PCBD2: variants seen among roughly 807,000 people sequenced by gnomAD.
PCBD2 encodes the protein pterin-4 alpha-carbinolamine dehydratase 2, also known as pterin-4-alpha-carbinolamine dehydratase 2.
Under a neutral mutation model 16.4 loss-of-function variants are expected in PCBD2, and 12 were observed. That is an observed-to-expected ratio of 0.73 (90% confidence interval 0.47 to 1.19). The LOEUF is 1.19. Among genes scored for constraint, PCBD2 ranks in the 50% most tolerant of loss-of-function variants. The pLI, the probability that PCBD2 is intolerant of heterozygous loss-of-function variation, is 0.00. For synonymous variants in PCBD2, 58 were observed against 61.8 expected (o/e 0.94, Z 0.29); for missense variants, 138 against 156.8 (o/e 0.88, Z 0.64).
At chr5:134,906,094 G>C (rs1750685614) in intron 1 of PCBD2, among the ~76,000 whole-genome samples, 1 of 151,170 alleles carries the variant, frequency 6.6e-6, no homozygotes, top group East Asian at 2.0e-4. Flanking sequence ...GGCTAGTCTC[G>C]AACTCCTGAC....
At chr5:134,953,040 T>G (rs192847074) in intron 2 of PCBD2, among the ~76,000 whole-genome samples, 65 of 152,156 alleles carry the variant, frequency 4.3e-4, no homozygotes, top group Admixed American at 3.1e-3. Flanking sequence ...CAAGTTTTTT[T>G]TTTTGCATTT....
rs1041753837 is a variant in PCBD2, at chr5:134,935,004, A to G, written c.217-24036A>G. On this transcript the variant is annotated intron_variant, in intron 2 of 3. Coordinates refer to ENST00000254908, the MANE Select transcript of PCBD2 (RefSeq NM_032151.5). ...AAATCACTCCATTGTTAAGTTTTAT[A>G]GCACTCCTAGTGCCCATTAAGTTGA... 7.9e-5 allele frequency among the ~76,000 whole-genome samples: 12 copies of G among 152,364 alleles called. No homozygotes were observed. In the South Asian group the frequency reaches 2.5e-3, roughly 32 times the overall value.
At chr5:134,946,599 A>G (rs1751298083) in intron 2 of PCBD2, among the ~76,000 whole-genome samples, 1 of 152,246 alleles carries the variant, frequency 6.6e-6, no homozygotes, top group Admixed American at 6.5e-5. Flanking sequence ...ACATGATTTC[A>G]TTGATGGTGT....
chr5:134,914,757 C>T (rs1390925940), intron 2 of PCBD2, among the ~76,000 whole-genome samples: 2 of 151,934 alleles, frequency 1.3e-5, no homozygotes, highest in Admixed American at 6.6e-5. Context: ...CTGCAACCTC[C>T]ACCTCCCAGA....
At chr5:134,948,390 T>C (rs1198847777) in intron 2 of PCBD2, among the ~76,000 whole-genome samples, 3 of 152,214 alleles carry the variant, frequency 2.0e-5, no homozygotes, top group Non-Finnish European at 4.4e-5. Flanking sequence ...TAGAGAACTT[T>C]CACTAAAAAT....
intron 3 of PCBD2, among the ~76,000 whole-genome samples, chr5:134,959,459 A>G (rs1451085229): frequency 6.6e-6 from 1 of 152,206 alleles, no homozygotes; most frequent in Non-Finnish European, 1.5e-5. Context: ...AATCAGATAG[A>G]TATGGCCTCA....
intron 2 of PCBD2, among the ~76,000 whole-genome samples, chr5:134,913,319 T>C (rs1316079822): frequency 6.6e-6 from 1 of 151,834 alleles, no homozygotes; most frequent in Non-Finnish European, 1.5e-5. Context: ...GGAGGTAGAG[T>C]GGTCTGGAAA....
At chr5:134,925,271 C>A (rs1183133110) in intron 2 of PCBD2, 2 of 398,284 alleles carry the variant, frequency 5.0e-6, no homozygotes, top group African/African-American at 2.1e-5. Flanking sequence ...TTTGCGGTTT[C>A]GATGATGTGG....
chr5:134,951,302 C>A (rs188640799), intron 2 of PCBD2, among the ~76,000 whole-genome samples: 1 of 151,726 alleles, frequency 6.6e-6, no homozygotes, highest in Non-Finnish European at 1.5e-5. Flanking sequence ...TATTTTTTTT[C>A]ATTTAGTAAT....
At position 134,961,915 on chromosome 5, in the gene PCBD2, C is replaced by A. The variant is rs928969364; in HGVS notation, c.*1234C>A. ...TAGCTGGGACTATAGGCAAGTGCCACCACGCCTGACTAATTTTTAAATTTT... is the reference window on the plus strand; with the variant it reads ...TAGCTGGGACTATAGGCAAGTGCCAACACGCCTGACTAATTTTTAAATTTT... On this transcript the variant is annotated 3_prime_UTR_variant, in exon 4 of 4. Transcript: ENST00000254908. Among the ~76,000 whole-genome samples, 1 of 151,984 alleles carries A rather than the reference C, an allele frequency of 6.6e-6. No homozygotes were observed. Among genetic ancestry groups the A allele is most frequent in the Non-Finnish European group, 1.5e-5 (1 of 67,986 alleles).
At chr5:134,941,543 A>G (rs931370620) in intron 2 of PCBD2, among the ~76,000 whole-genome samples, 6 of 152,230 alleles carry the variant, frequency 3.9e-5, no homozygotes, top group East Asian at 1.9e-4. Flanking sequence ...TATATTTGGT[A>G]TACATGTCTC....
chr5:134,915,176 G>C (rs188535862), intron 2 of PCBD2, among the ~76,000 whole-genome samples: 1 of 151,906 alleles, frequency 6.6e-6, no homozygotes, highest in African/African-American at 2.4e-5. Flanking sequence ...TTAACCAGGC[G>C]TGGTGGCGTG....
At chr5:134,925,926 G>A (rs184780648) in intron 2 of PCBD2, 4 of 391,416 alleles carry the variant, frequency 1.0e-5, no homozygotes, top group Admixed American at 4.5e-5. Flanking sequence ...AACCGATGTC[G>A]CCGATACGGT....
intron 2 of PCBD2, among the ~76,000 whole-genome samples, chr5:134,947,718 G>A (rs541204571): frequency 1.2e-4 from 18 of 151,924 alleles, no homozygotes; most frequent in Non-Finnish European, 2.6e-4. Context: ...ATATATTTGG[G>A]CAGGTACTTT....
At chr5:134,914,859 G>T (rs938984053) in intron 2 of PCBD2, among the ~76,000 whole-genome samples, 1 of 152,096 alleles carries the variant, frequency 6.6e-6, no homozygotes. Context: ...TTATAGTAGA[G>T]ATGGGGTTTT....
intron 2 of PCBD2, among the ~76,000 whole-genome samples, chr5:134,952,892 G>T (rs1487013332): frequency 6.6e-6 from 1 of 151,524 alleles, no homozygotes; most frequent in Non-Finnish European, 1.5e-5. Context: ...CTTATTCAAT[G>T]CCATGTTATT....
intron 2 of PCBD2, among the ~76,000 whole-genome samples, chr5:134,920,138 A>G (rs575678954): frequency 4.1e-4 from 63 of 152,358 alleles, no homozygotes; most frequent in African/African-American, 1.4e-3. Flanking sequence ...AAACAAAACA[A>G]AGCAGTAATA....
At chr5:134,908,364 T>G (rs1341355946) in intron 1 of PCBD2, among the ~76,000 whole-genome samples, 1 of 151,888 alleles carries the variant, frequency 6.6e-6, no homozygotes, top group Non-Finnish European at 1.5e-5. Context: ...ATATTTTTGT[T>G]TAATTAAAAA....
chr5:134,926,405 T>C lies in PCBD2; in HGVS notation c.216+15939T>C. On this transcript the variant is annotated intron_variant, in intron 2 of 3. Coordinates refer to ENST00000254908, the MANE Select transcript of PCBD2 (RefSeq NM_032151.5). ...TTAGGGTTAATGAGGGTGGTAAGGA[T>C]AGGGGGAATTAAGGAAGTTAGGGCT... 3 of 387,604 alleles carry C rather than the reference T, an allele frequency of 7.7e-6. No homozygotes were observed. The East Asian group carries it at 1.1e-4, about 14-fold the overall frequency. 24.0% of individuals were successfully genotyped at this position (387,604 alleles called of 1,614,324 possible).
Sources: allele counts gnomAD v4.1 joint callset (sites outside exome capture counted in the v4.1 genomes callset), GRCh38; gene constraint gnomAD v4.1.1; transcripts MANE v1.5; gene names NCBI Gene and HGNC (gene_info 2026-07-23, HGNC 2026-07-21).